PARPBP: variants seen among roughly 807,000 people sequenced by gnomAD.
The protein encoded by PARPBP is PCNA-interacting partner.
Under a neutral mutation model 50.0 loss-of-function variants are expected in PARPBP, and 52 were observed. The ratio of observed to expected loss-of-function variants is 1.04; its 90% confidence interval spans 0.83 to 1.31. The LOEUF (loss-of-function observed/expected upper bound fraction) is 1.31. Ranked by LOEUF, PARPBP falls within the 50% of genes most tolerant of loss-of-function variation. The pLI is 0.00. For synonymous variants in PARPBP, 244 were observed against 232.1 expected (o/e 1.05, Z -0.47); for missense variants, 697 against 672.0 (o/e 1.04, Z -0.41).
intron 2 of PARPBP, among the ~76,000 whole-genome samples, chr12:102,124,823 T>C (rs1170177515): frequency 6.6e-6 from 1 of 152,204 alleles, no homozygotes; most frequent in Non-Finnish European, 1.5e-5. Flanking sequence ...GTCAGTAGTT[T>C]CCAGATTTTT....
intron 3 of PARPBP, 54 bp from the exon 4 acceptor site, chr12:102,153,815 T>C: frequency 1.1e-6 from 1 of 925,466 alleles, no homozygotes; most frequent in Non-Finnish European, 1.8e-6. Flanking sequence ...TTATGTGAAG[T>C]ATTTTTTATA....
intron 8 of PARPBP, among the ~76,000 whole-genome samples, chr12:102,180,423 C>T (rs1889711705): frequency 6.6e-6 from 1 of 152,088 alleles, no homozygotes; most frequent in Admixed American, 6.5e-5. Flanking sequence ...TCTTTCTAGG[C>T]CAGGCATGGT....
chr12:102,174,252 G>A (rs537463417), intron 6 of PARPBP, among the ~76,000 whole-genome samples: 3 of 152,006 alleles, frequency 2.0e-5, no homozygotes, highest in Non-Finnish European at 4.4e-5. Flanking sequence ...TAATTCCATA[G>A]GATGGGATCT....
intron 2 of PARPBP, among the ~76,000 whole-genome samples, chr12:102,137,026 C>T (rs983156091): frequency 4.6e-5 from 7 of 152,056 alleles, no homozygotes; most frequent in African/African-American, 1.7e-4. Flanking sequence ...ACAATCTCCG[C>T]TCACTGTAAA....
intron 6 of PARPBP, among the ~76,000 whole-genome samples, chr12:102,171,404 T>TCCC (rs1888714878): frequency 6.6e-6 from 1 of 152,114 alleles, no homozygotes; most frequent in Admixed American, 6.5e-5. Flanking sequence ...ATTTTTCAGC[T>TCCC]CCATTATAAT....
At chr12:102,145,058 A>G (rs1885168481) in intron 2 of PARPBP, among the ~76,000 whole-genome samples, 1 of 152,142 alleles carries the variant, frequency 6.6e-6, no homozygotes, top group Non-Finnish European at 1.5e-5. Flanking sequence ...AGAGCTGCTT[A>G]TTTTAAGGCA....
chr12:102,141,757 C>T (rs962470350), intron 2 of PARPBP, among the ~76,000 whole-genome samples: 1 of 152,122 alleles, frequency 6.6e-6, no homozygotes, highest in Non-Finnish European at 1.5e-5. Context: ...CTTAGTTTGG[C>T]TGGCTATGAA....
chr12:102,187,371 A>AT (rs1193028477), intron 9 of PARPBP, among the ~76,000 whole-genome samples: 2 of 152,058 alleles, frequency 1.3e-5, no homozygotes, highest in African/African-American at 4.8e-5. Flanking sequence ...TTTCTTGTTC[A>AT]TTAGAGAAAT....
chr12:102,196,015 C>T lies in PARPBP; in HGVS notation c.1464C>T (p.Asp488=). Residue 488 remains aspartate, a synonymous_variant, in exon 11 of 11, where the codon GAC becomes GAT. Coordinates refer to ENST00000327680, the MANE Select transcript of PARPBP (RefSeq NM_017915.5). ...CGAGTTTTGGAAATGTTCATCTGGA[C>T]AGAAGTAAAAATGAAAAAGTATCAA... ...IGTSFGNVHL[D]RSKNEKVSRK... is the part of the protein sequence containing the mutation. 1 of 1,610,536 alleles carries T rather than the reference C, an allele frequency of 6.2e-7. No individual in the cohort carries two copies. Among genetic ancestry groups the T allele is most frequent in the Non-Finnish European group, 8.5e-7 (1 of 1,178,210 alleles).
chr12:102,139,611 C>T (rs537066153), intron 2 of PARPBP, among the ~76,000 whole-genome samples: 44 of 152,294 alleles, frequency 2.9e-4, no homozygotes, highest in Middle Eastern at 6.8e-3. Context: ...ATGATATTGG[C>T]TGTGGCTTTG....
In PARPBP at chr12:102,148,307, A is replaced by G. The variant is rs1465124274; in HGVS notation, c.231A>G (p.Leu77=). The G allele has an allele frequency of 6.2e-7, 1 of 1,607,500 alleles. No individual in the cohort carries two copies. Among genetic ancestry groups the G allele is most frequent in the South Asian group, 1.1e-5 (1 of 90,924 alleles). Residue 77 remains leucine, a synonymous_variant, in exon 3 of 11, where the codon TTA becomes TTG. Transcript: ENST00000327680. ...ACTTGCTCCATGAGAAATTGAACTT[A>G]CCAGTTGAAAACATGGACGTGACTG... is the stretch of plus-strand genomic sequence containing the variant. ...WKYLLHEKLN[L]PVENMDVTDH...
chr12:102,123,376 C>T (rs1227802480), intron 1 of PARPBP, among the ~76,000 whole-genome samples: 4 of 152,210 alleles, frequency 2.6e-5, no homozygotes, highest in Admixed American at 2.0e-4. Context: ...ACTCCCACAG[C>T]GTCATTCTTG....
chr12:102,161,375 G>A (rs967746999), intron 4 of PARPBP, among the ~76,000 whole-genome samples: 1 of 152,018 alleles, frequency 6.6e-6, no homozygotes, highest in Non-Finnish European at 1.5e-5. Context: ...CCTAGTGGTG[G>A]GATTACAGGT....
intron 2 of PARPBP, 64 bp from the exon 3 acceptor site, chr12:102,148,166 A>C: frequency 1.5e-6 from 1 of 649,112 alleles, no homozygotes; most frequent in Non-Finnish European, 2.5e-6. Context: ...TATCTCAGTT[A>C]TAAGTTATTG....
chr12:102,120,735 G>C (rs1381720909), intron 1 of PARPBP, among the ~76,000 whole-genome samples: 1 of 152,198 alleles, frequency 6.6e-6, no homozygotes. Context: ...CCTGGCACTA[G>C]GTGGGTTATG....
At chr12:102,150,497 T>G in intron 3 of PARPBP, 1 of 333,278 alleles carries the variant, frequency 3.0e-6, no homozygotes, top group Admixed American at 4.4e-5. Context: ...GGAATTAAGA[T>G]AAAGCTAAGT....
intron 9 of PARPBP, among the ~76,000 whole-genome samples, chr12:102,193,341 T>A (rs1890981309): frequency 6.6e-6 from 1 of 151,930 alleles, no homozygotes; most frequent in South Asian, 2.1e-4. Flanking sequence ...AATTATTATT[T>A]AGTATTATGT....
At chr12:102,148,650 C>A in intron 3 of PARPBP, 187 bp downstream of exon 3, 1 of 444,566 alleles carries the variant, frequency 2.2e-6, no homozygotes, top group Non-Finnish European at 3.9e-6. Context: ...GGTAAATTTT[C>A]TTGGACTTGT....
intron 2 of PARPBP, among the ~76,000 whole-genome samples, chr12:102,142,716 G>T (rs914637682): frequency 4.6e-5 from 7 of 152,212 alleles, no homozygotes; most frequent in African/African-American, 1.7e-4. Context: ...TAACAGTCAG[G>T]AACCTCAGCT....
Sources: allele counts gnomAD v4.1 joint callset (sites outside exome capture counted in the v4.1 genomes callset), GRCh38; gene constraint gnomAD v4.1.1; transcripts MANE v1.5; gene names NCBI Gene and HGNC (gene_info 2026-07-23, HGNC 2026-07-21).